Variants in BID observed in about 807,000 individuals in gnomAD.
The protein encoded by BID is BH3-interacting domain death agonist.
BID carries 19 observed loss-of-function variants against 17.4 expected under a neutral mutation model. The ratio of observed to expected loss-of-function variants is 1.09; its 90% CI spans 0.76 to 1.60. The LOEUF is 1.60. Ranked by LOEUF, BID falls within the 40% of genes most tolerant of loss-of-function variation. The pLI, the probability that BID is intolerant of heterozygous loss-of-function variation, is 0.00. For synonymous variants in BID, 108 were observed against 102.8 expected, an observed-to-expected ratio of 1.05 and a Z score of -0.31; for missense variants, 226 against 256.0, an observed-to-expected ratio of 0.88 and a Z score of 0.80.
At chr22:17,756,488 CTT>C (rs757569504) in intron 1 of BID, among the ~76,000 whole-genome samples, 7 of 97,438 alleles carry the variant, frequency 7.2e-5, no homozygotes, top group African/African-American at 2.6e-4. Context: ...TTCTTTCTTT[CTT>C]TCTTTCTCTC....
intron 4 of BID, among the ~76,000 whole-genome samples, chr22:17,739,083 C>T (rs573757552): frequency 6.6e-6 from 1 of 152,352 alleles, no homozygotes; most frequent in Admixed American, 6.5e-5. Flanking sequence ...CTTCTGTTGG[C>T]CAAACATGCT....
At chr22:17,774,497 GC>G (rs953801323), upstream of BID, 5 of 253,112 alleles carry the variant, frequency 2.0e-5, no homozygotes, top group South Asian at 3.6e-5. Context: ...TCCTCCTTCG[GC>G]CCCCCACGCC....
intron 1 of BID, among the ~76,000 whole-genome samples, chr22:17,764,807 G>A (rs1269084554): frequency 6.6e-6 from 1 of 152,182 alleles, no homozygotes; most frequent in Non-Finnish European, 1.5e-5. Flanking sequence ...GACAGTCTGA[G>A]TCTGCTTCAA....
intron 1 of BID, among the ~76,000 whole-genome samples, chr22:17,763,910 A>ATTTTTT (rs879281149): frequency 0.011 from 1,640 of 151,920 alleles, 32 homozygotes; most frequent in African/African-American, 0.037. Context: ...AATTTAAAAA[A>ATTTTTT]AAAAAAAATC....
intron 3 of BID, among the ~76,000 whole-genome samples, chr22:17,743,543 C>T (rs2061474813): frequency 6.6e-6 from 1 of 152,218 alleles, no homozygotes; most frequent in Non-Finnish European, 1.5e-5. Flanking sequence ...GGACTCAAGA[C>T]CAGTACATGA....
At position 17,750,317 on chromosome 22, in the gene BID, T is replaced by A. The variant is rs1218115925; in HGVS notation, c.-58-143A>T. 10 of 711,470 alleles carry A rather than the reference T, an allele frequency of 1.4e-5. No individual in the cohort carries two copies. In the South Asian group the frequency reaches 1.6e-4, roughly 12 times the overall value. 44.1% of individuals were successfully genotyped at this position (711,470 alleles called of 1,614,324 possible). Reference sequence around the variant, plus strand: ...CTGAGCCCCGCATCCTGAGTTTCTTTCTCCTTGGCGGGAGCCAAGCTTTGT... The same window carrying A: ...CTGAGCCCCGCATCCTGAGTTTCTTACTCCTTGGCGGGAGCCAAGCTTTGT... On this transcript the variant is annotated intron_variant, in intron 1 of 5. Coordinates refer to ENST00000622694, the MANE Select transcript of BID (RefSeq NM_001196.4).
chr22:17,745,967 A>AAAAC (rs952743484), intron 2 of BID, among the ~76,000 whole-genome samples: 70 of 152,130 alleles, frequency 4.6e-4, no homozygotes, highest in African/African-American at 1.7e-3. Flanking sequence ...ACTCCGTCTC[A>AAAAC]AAACAAACAA....
In BID at chr22:17,763,464, G is replaced by A. The variant is rs182490400; in HGVS notation, c.-59+10917C>T. Among the ~76,000 whole-genome samples, 540 of 151,932 alleles carry A rather than the reference G, an allele frequency of 3.6e-3. 6 individuals carry two copies. The highest frequency in any genetic ancestry group is 0.012 in the African/African-American group (495 of 41,408). On this transcript the variant is annotated intron_variant, in intron 1 of 5. Transcript: ENST00000622694. ...CCTCCGTGCTGGTCAAGCTGGTCTC[G>A]AACTTCTGACCTCAGGTGATCCGCC...
chr22:17,764,691 G>A (rs2061665850), intron 1 of BID, among the ~76,000 whole-genome samples: 1 of 152,118 alleles, frequency 6.6e-6, no homozygotes, highest in African/African-American at 2.4e-5. Context: ...AGAGGCCCGG[G>A]TACAGATACC....
At chr22:17,750,763 G>T (rs939907440) in intron 1 of BID, among the ~76,000 whole-genome samples, 1 of 152,136 alleles carries the variant, frequency 6.6e-6, no homozygotes, top group Non-Finnish European at 1.5e-5. Flanking sequence ...GGGAGGGAGA[G>T]GTTGCAGTAA....
intron 1 of BID, among the ~76,000 whole-genome samples, chr22:17,756,470 T>TC (rs1569047839): frequency 5.8e-5 from 6 of 103,932 alleles, no homozygotes; most frequent in Admixed American, 1.8e-4. Flanking sequence ...TTTCTTTCTT[T>TC]CTTTCTTTTC....
intron 1 of BID, among the ~76,000 whole-genome samples, chr22:17,760,962 G>A (rs929837444): frequency 2.6e-5 from 4 of 152,182 alleles, no homozygotes; most frequent in Non-Finnish European, 2.9e-5. Flanking sequence ...GGGGCCTCCC[G>A]CCAAGCCCAG....
intron 5 of BID, 119 bp from the exon 6 acceptor site, chr22:17,735,710 C>G (rs1223987579): frequency 1.0e-5 from 12 of 1,190,838 alleles, no homozygotes; most frequent in Non-Finnish European, 1.5e-5. Flanking sequence ...TTCTCCAGAC[C>G]CCTGAAGTCC....
chr22:17,743,745 A>G, intron 3 of BID, 58 bp downstream of exon 3: 4 of 1,531,410 alleles, frequency 2.6e-6, no homozygotes, highest in Non-Finnish European at 3.5e-6. Flanking sequence ...GGCTCCCTGA[A>G]TGTTACTGGC....
In BID at chr22:17,773,594, C is replaced by T. The variant is rs748750166; in HGVS notation, c.-59+787G>A. On this transcript the variant is annotated intron_variant, in intron 1 of 5. Transcript: ENST00000622694. This position sits in a 1 kb window ranked among gnomAD's most constrained non-coding sequence, Gnocchi z 4.4. ...GCCGGTCCAGCCGCAGAAGGCCCAGCCCCCAGCCCACTTACAGAATCCGCA... is the reference window on the plus strand; with the variant it reads ...GCCGGTCCAGCCGCAGAAGGCCCAGTCCCCAGCCCACTTACAGAATCCGCA... 1.9e-6 allele frequency: 3 copies of T among 1,612,054 alleles called. No individual in the cohort carries two copies. Among genetic ancestry groups the T allele is most frequent in the African/African-American group, 2.7e-5 (2 of 74,926 alleles).
rs2061735343 is a variant in BID, at chr22:17,773,454, G to T, written c.-59+927C>A. On this transcript the variant is annotated intron_variant, in intron 1 of 5. Transcript: ENST00000622694. The surrounding 1 kb of genome is among the most constrained non-coding windows in gnomAD (Gnocchi z 4.4). ...TCTGCAGCTCCCCCACAGTGAGAGC[G>T]AGGACTGAGGGTGTGGATAAGGCTC... Among the ~76,000 whole-genome samples the T allele has an allele frequency of 1.3e-5, 2 of 152,180 alleles. No homozygotes were observed. Among genetic ancestry groups the T allele is most frequent in the South Asian group, 4.1e-4 (2 of 4,832 alleles).
chr22:17,758,128 A>G (rs2061607941), intron 1 of BID, among the ~76,000 whole-genome samples: 1 of 152,198 alleles, frequency 6.6e-6, no homozygotes, highest in African/African-American at 2.4e-5. Context: ...CTGTTTGTAC[A>G]TTCAGTCTCA....
At chr22:17,745,916 A>T (rs2061492187) in intron 2 of BID, among the ~76,000 whole-genome samples, 1 of 152,122 alleles carries the variant, frequency 6.6e-6, no homozygotes. Context: ...CAATGAGCCG[A>T]GATCGCGCCA....
intron 1 of BID, among the ~76,000 whole-genome samples, chr22:17,770,549 C>A (rs1050258829): frequency 6.6e-6 from 1 of 152,254 alleles, no homozygotes. Context: ...TAAAATGAGA[C>A]ATTCAGTTAC....
Sources: allele counts gnomAD v4.1 joint callset (sites outside exome capture counted in the v4.1 genomes callset), GRCh38; gene constraint gnomAD v4.1.1; non-coding constraint Gnocchi (gnomAD v3.1); transcripts MANE v1.5; gene names NCBI Gene and HGNC (gene_info 2026-07-23, HGNC 2026-07-21).